Variants in COL22A1 observed in about 807,000 individuals in gnomAD.
COL22A1 encodes collagen type XXII alpha 1 chain, also known as collagen alpha-1(XXII) chain.
Under a neutral mutation model 248.9 loss-of-function variants are expected in COL22A1, and 221 were observed. The ratio of observed to expected loss-of-function variants is 0.89; its 90% CI spans 0.80 to 0.99. The LOEUF is 0.99. Among genes scored for constraint, COL22A1 ranks in the 50% least tolerant of loss-of-function variants. The pLI is 0.00. For synonymous variants in COL22A1, 891 were observed against 793.4 expected (o/e 1.12, Z -2.07); for missense variants, 2,240 against 2,179.0 (o/e 1.03, Z -0.56).
At chr8:138,667,810 A>G (rs1304689458) in intron 41 of COL22A1, among the ~76,000 whole-genome samples, 2 of 152,168 alleles carry the variant, frequency 1.3e-5, no homozygotes, top group Non-Finnish European at 2.9e-5. Context: ...CATCACAAAG[A>G]GGCTCCACCA....
chr8:138,728,307 G>A (rs1401079285), intron 23 of COL22A1, among the ~76,000 whole-genome samples: 1 of 152,064 alleles, frequency 6.6e-6, no homozygotes, highest in Non-Finnish European at 1.5e-5. Context: ...GGGGTTATGG[G>A]GGTGACAGGT....
At chr8:138,795,528 G>GACACACAC (rs6150850) in intron 12 of COL22A1, among the ~76,000 whole-genome samples, 3,501 of 144,860 alleles carry the variant, frequency 0.024, 73 homozygotes, top group African/African-American at 0.054. Context: ...CTCTCTTTCA[G>GACACACAC]ACACACACAC....
At chr8:138,763,566 G>A (rs1833684154) in intron 16 of COL22A1, among the ~76,000 whole-genome samples, 1 of 152,108 alleles carries the variant, frequency 6.6e-6, no homozygotes, top group African/African-American at 2.4e-5. Context: ...TGTTCCCAGT[G>A]GGGGTCCTTC....
intron 25 of COL22A1, 126 bp from the exon 26 acceptor site, chr8:138,722,215 T>C: frequency 1.4e-6 from 1 of 721,646 alleles, no homozygotes; most frequent in Non-Finnish European, 2.3e-6. Flanking sequence ...GTCTGCTCTT[T>C]GATTAGCAGG....
intron 63 of COL22A1, among the ~76,000 whole-genome samples, chr8:138,593,209 G>A (rs1817230558): frequency 1.3e-5 from 2 of 152,124 alleles, no homozygotes; most frequent in South Asian, 4.2e-4. Flanking sequence ...ACACACCAGG[G>A]CCTGTCGGGG....
intron 5 of COL22A1, among the ~76,000 whole-genome samples, chr8:138,829,829 C>T (rs1367684979): frequency 6.6e-6 from 1 of 152,048 alleles, no homozygotes; most frequent in African/African-American, 2.4e-5. Context: ...TACACACAGA[C>T]AAGTGTATCA....
intron 1 of COL22A1, among the ~76,000 whole-genome samples, chr8:138,891,032 G>C (rs993934928): frequency 2.0e-5 from 3 of 151,816 alleles, no homozygotes; most frequent in African/African-American, 7.3e-5. Flanking sequence ...AAAAAAAAAA[G>C]TTTGTTGTGT....
At chr8:138,616,189 G>A in intron 54 of COL22A1, 135 bp from the exon 55 acceptor site, 1 of 745,566 alleles carries the variant, frequency 1.3e-6, no homozygotes. Context: ...CAGAGCCCCA[G>A]CCCTGAGTTG....
intron 1 of COL22A1, among the ~76,000 whole-genome samples, chr8:138,907,903 C>G (rs1563912758): frequency 6.6e-6 from 1 of 152,176 alleles, no homozygotes; most frequent in Non-Finnish European, 1.5e-5. Context: ...CCTCATGACC[C>G]AATCACCTCT....
At chr8:138,629,148 A>G (rs1482796891) in intron 50 of COL22A1, among the ~76,000 whole-genome samples, 1 of 150,790 alleles carries the variant, frequency 6.6e-6, no homozygotes, top group African/African-American at 2.4e-5. Flanking sequence ...CAAACAATCC[A>G]TTAGTTTTTA....
intron 1 of COL22A1, among the ~76,000 whole-genome samples, chr8:138,893,004 G>A (rs1299275600): frequency 1.3e-5 from 2 of 152,186 alleles, no homozygotes; most frequent in African/African-American, 4.8e-5. Context: ...CACAGACCCA[G>A]CTTGGAACGA....
chr8:138,876,488 A>G (rs549914375), intron 3 of COL22A1, among the ~76,000 whole-genome samples: 1 of 152,338 alleles, frequency 6.6e-6, no homozygotes, highest in Non-Finnish European at 1.5e-5. Flanking sequence ...AGCCCCAGAA[A>G]TCAGCACAAG....
At chr8:138,805,545 G>T (rs992272359) in intron 10 of COL22A1, among the ~76,000 whole-genome samples, 3 of 145,966 alleles carry the variant, frequency 2.1e-5, no homozygotes, top group Non-Finnish European at 4.5e-5. Context: ...GTGTGTGATG[G>T]TATGTGTGAT....
chr8:138,722,866 G>GGA (rs1434606361), intron 25 of COL22A1, among the ~76,000 whole-genome samples: 4 of 77,440 alleles, frequency 5.2e-5, no homozygotes, highest in African/African-American at 9.5e-5. Flanking sequence ...GGGGGTGGTG[G>GGA]AAAACACACC....
intron 7 of COL22A1, 150 bp downstream of exon 7, chr8:138,820,986 C>T: frequency 2.4e-6 from 2 of 822,198 alleles, no homozygotes; most frequent in South Asian, 1.8e-5. Context: ...TGGCAGTTTT[C>T]TGAGTCAGGG....
At chr8:138,833,527 G>A (rs1027717959) in intron 4 of COL22A1, among the ~76,000 whole-genome samples, 2 of 152,192 alleles carry the variant, frequency 1.3e-5, no homozygotes, top group Non-Finnish European at 2.9e-5. Flanking sequence ...GCAGGCGAAC[G>A]GCCACTCACG....
Position 138,725,475 on chromosome 8 carries a change from G to A in COL22A1, c.2140-35C>T, listed in dbSNP as rs532503706. The A allele has an allele frequency of 1.3e-4, 200 of 1,589,374 alleles. 3 individuals are homozygous for A. In the South Asian group the frequency reaches 2.2e-3, roughly 17 times the overall value. On this transcript the variant is annotated intron_variant, in intron 23 of 64. Coordinates refer to ENST00000303045, the MANE Select transcript of COL22A1 (RefSeq NM_152888.3). ...AAGAGCATTTGGTGGGCTACAGATGGGTCCTGATGAGCCTCCTAGGGACAG... is the reference window on the plus strand; with the variant it reads ...AAGAGCATTTGGTGGGCTACAGATGAGTCCTGATGAGCCTCCTAGGGACAG...
chr8:138,798,470 T>C (rs1443942894), intron 11 of COL22A1, among the ~76,000 whole-genome samples: 1 of 152,102 alleles, frequency 6.6e-6, no homozygotes, highest in Non-Finnish European at 1.5e-5. Flanking sequence ...CTAGAGTTTC[T>C]TATATGCATA....
At chr8:138,749,094 T>A (rs1832377141) in intron 22 of COL22A1, among the ~76,000 whole-genome samples, 1 of 152,218 alleles carries the variant, frequency 6.6e-6, no homozygotes, top group South Asian at 2.1e-4. Flanking sequence ...GTCTTTCACC[T>A]TCTACCATGA....
Sources: gnomAD v4.1 joint callset for allele counts (sites outside exome capture counted in the v4.1 genomes callset) on GRCh38, gnomAD v4.1.1 for gene constraint, MANE v1.5 for transcripts, NCBI Gene and HGNC (gene_info 2026-07-23, HGNC 2026-07-21) for gene names.